The following GABRB1 variants were observed in gnomAD, a reference collection of about 807,000 sequenced individuals.
GABRB1 encodes the protein gamma-aminobutyric acid receptor subunit beta-1.
In GABRB1, 17 loss-of-function variants were observed where a neutral mutation model predicts 51.6. The ratio of observed to expected loss-of-function variants is 0.33; its 90% confidence interval spans 0.23 to 0.49. GABRB1 has a LOEUF of 0.49. Ranked by LOEUF, GABRB1 falls within the 20% of genes least tolerant of loss-of-function variation. The pLI is 0.99. For missense variants in GABRB1, 410 were observed against 600.6 expected (o/e 0.68, Z 3.32); for synonymous variants, 247 against 218.9 (o/e 1.13, Z -1.14).
At chr4:47,083,614 G>A (rs1367286866) in intron 3 of GABRB1, among the ~76,000 whole-genome samples, 1 of 152,086 alleles carries the variant, frequency 6.6e-6, no homozygotes, top group African/African-American at 2.4e-5. Context: ...AATATTCCCT[G>A]AGCTATTTCC....
intron 4 of GABRB1, among the ~76,000 whole-genome samples, chr4:47,219,196 A>T (rs976616130): frequency 1.3e-5 from 2 of 151,896 alleles, no homozygotes; most frequent in African/African-American, 2.4e-5. Context: ...TGTATGTCAT[A>T]TTATGTAACT....
intron 3 of GABRB1, among the ~76,000 whole-genome samples, chr4:47,098,301 A>G (rs1042457631): frequency 2.0e-5 from 3 of 152,022 alleles, no homozygotes; most frequent in Admixed American, 1.3e-4. Flanking sequence ...CCCCAAATCA[A>G]TATGGGTATC....
At chr4:47,106,811 C>CA (rs886117537) in intron 3 of GABRB1, among the ~76,000 whole-genome samples, 3 of 152,034 alleles carry the variant, frequency 2.0e-5, no homozygotes, top group Non-Finnish European at 4.4e-5. Flanking sequence ...ATAAATTCTG[C>CA]AAAAATGACC....
chr4:47,284,598 A>T (rs1723436307), intron 4 of GABRB1, among the ~76,000 whole-genome samples: 1 of 152,148 alleles, frequency 6.6e-6, no homozygotes, highest in South Asian at 2.1e-4. Flanking sequence ...ATTTATGTTA[A>T]TTTTTCAAGT....
At chr4:47,099,245 A>G (rs554024346) in intron 3 of GABRB1, among the ~76,000 whole-genome samples, 1 of 152,288 alleles carries the variant, frequency 6.6e-6, no homozygotes, top group African/African-American at 2.4e-5. Flanking sequence ...GAGTCACTGT[A>G]TCAGCTGAGA....
chr4:47,245,067 T>G (rs969102928), intron 4 of GABRB1, among the ~76,000 whole-genome samples: 30 of 152,202 alleles, frequency 2.0e-4, no homozygotes, highest in African/African-American at 7.2e-4. Context: ...GCTGGTTTTT[T>G]GAAAAGATCA....
intron 3 of GABRB1, among the ~76,000 whole-genome samples, chr4:47,057,712 C>T (rs970994471): frequency 6.6e-6 from 1 of 152,170 alleles, no homozygotes; most frequent in Non-Finnish European, 1.5e-5. Flanking sequence ...GGATTAGCTG[C>T]AAGTGTGTCT....
chr4:47,034,043 A>G (rs1185683557), intron 3 of GABRB1, among the ~76,000 whole-genome samples: 1 of 152,204 alleles, frequency 6.6e-6, no homozygotes, highest in East Asian at 1.9e-4. Flanking sequence ...GAATTAGTTT[A>G]ACAAGTTGTA....
chr4:47,099,701 A>T (rs1714638618), intron 3 of GABRB1, among the ~76,000 whole-genome samples: 1 of 152,042 alleles, frequency 6.6e-6, no homozygotes, highest in Admixed American at 6.6e-5. Context: ...AGAGCTGGTG[A>T]GTTGTAGAGC....
chr4:47,106,188 A>G (rs1342748134), intron 3 of GABRB1, among the ~76,000 whole-genome samples: 1 of 152,136 alleles, frequency 6.6e-6, no homozygotes, highest in African/African-American at 2.4e-5. Flanking sequence ...AACATTTTAA[A>G]ATACTTCTGT....
At chr4:47,253,514 C>T (rs1722071300) in intron 4 of GABRB1, among the ~76,000 whole-genome samples, 1 of 152,150 alleles carries the variant, frequency 6.6e-6, no homozygotes, top group Admixed American at 6.5e-5. Flanking sequence ...AATGCAATTT[C>T]TCTCTTCCTC....
chr4:47,134,506 T>A (rs1270584691), intron 3 of GABRB1, among the ~76,000 whole-genome samples: 1 of 152,134 alleles, frequency 6.6e-6, no homozygotes, highest in Admixed American at 6.6e-5. Flanking sequence ...AAATGATGGA[T>A]GCCCTTAAGA....
intron 4 of GABRB1, among the ~76,000 whole-genome samples, chr4:47,219,311 A>C (rs1040005957): frequency 6.6e-6 from 1 of 151,930 alleles, no homozygotes; most frequent in Non-Finnish European, 1.5e-5. Context: ...TAAGCCTTTC[A>C]GAGTTTTGCT....
At chr4:47,246,663 C>G (rs193082838) in intron 4 of GABRB1, among the ~76,000 whole-genome samples, 4 of 151,604 alleles carry the variant, frequency 2.6e-5, no homozygotes, top group Admixed American at 2.6e-4. Context: ...GAAGTGTTCC[C>G]TGATCACTGC....
chr4:47,375,771 A>G (rs1048178778), intron 5 of GABRB1, among the ~76,000 whole-genome samples: 1 of 152,202 alleles, frequency 6.6e-6, no homozygotes, highest in Non-Finnish European at 1.5e-5. Context: ...AGGGTCTCCC[A>G]TTATCCTCTA....
intron 5 of GABRB1, among the ~76,000 whole-genome samples, chr4:47,350,615 A>T (rs936617452): frequency 6.6e-6 from 1 of 152,148 alleles, no homozygotes; most frequent in Non-Finnish European, 1.5e-5. Context: ...ATAATATTAT[A>T]TCAAGATAGA....
intron 5 of GABRB1, among the ~76,000 whole-genome samples, chr4:47,326,668 C>T (rs764845608): frequency 1.3e-5 from 2 of 152,140 alleles, no homozygotes; most frequent in South Asian, 4.1e-4. Context: ...TACCTTGCCC[C>T]TTCCACCATA....
At chr4:47,129,886 C>T (rs1716331406) in intron 3 of GABRB1, among the ~76,000 whole-genome samples, 1 of 152,020 alleles carries the variant, frequency 6.6e-6, no homozygotes, top group Non-Finnish European at 1.5e-5. Context: ...CAAAACAGAA[C>T]AAAAAGGTGG....
chr4:47,404,818 A>C (rs1293547503), intron 7 of GABRB1, among the ~76,000 whole-genome samples: 1 of 152,238 alleles, frequency 6.6e-6, no homozygotes, highest in Admixed American at 6.5e-5. Context: ...CACTTAAGAA[A>C]AAAACAGTGG....
Sources: allele counts gnomAD v4.1 joint callset (sites outside exome capture counted in the v4.1 genomes callset), GRCh38; gene constraint gnomAD v4.1.1; transcripts MANE v1.5; gene names NCBI Gene and HGNC (gene_info 2026-07-23, HGNC 2026-07-21).